The following ACSM5 variants were observed in gnomAD, a reference collection of about 807,000 sequenced individuals.
The protein encoded by ACSM5 is acyl-coenzyme A synthetase ACSM5, mitochondrial.
A neutral mutation model predicts 71.6 loss-of-function variants in ACSM5; 56 were observed. That is an observed-to-expected ratio of 0.78 (90% CI 0.63 to 0.98). ACSM5 has a LOEUF of 0.98. Ranked by LOEUF, ACSM5 falls within the 50% of genes least tolerant of loss-of-function variation. The probability of loss-of-function intolerance (pLI) is 0.00; values close to 1 mark genes in which losing one functional copy is unlikely to be tolerated. For missense variants in ACSM5, 723 were observed against 726.0 expected, an observed-to-expected ratio of 1.00 and a Z score of 0.05; for synonymous variants, 285 against 281.5, an observed-to-expected ratio of 1.01 and a Z score of -0.12.
Position 20,440,546 on chromosome 16 carries a change from G to A in ACSM5, c.*119G>A, listed in dbSNP as rs1429343563. 2 of 874,606 alleles carry A rather than the reference G, an allele frequency of 2.3e-6. No homozygotes were observed. 54.2% of individuals were successfully genotyped at this position (874,606 alleles called of 1,614,324 possible). A position where few individuals can be genotyped will look rare whatever the true frequency, so the allele number is the denominator to read the frequency against. ...ACCCTAAAGATGTCAAAGGTGTGCAGCTTCCAAACGGCATCCCCAGGATCA... is the reference window on the plus strand; with the variant it reads ...ACCCTAAAGATGTCAAAGGTGTGCAACTTCCAAACGGCATCCCCAGGATCA... On this transcript the variant is annotated 3_prime_UTR_variant, in exon 14 of 14. Coordinates refer to ENST00000331849, the MANE Select transcript of ACSM5 (RefSeq NM_017888.3).
chr16:20,411,197 T>G (rs1966846994), intron 1 of ACSM5, among the ~76,000 whole-genome samples: 1 of 152,188 alleles, frequency 6.6e-6, no homozygotes, highest in African/African-American at 2.4e-5. Context: ...GGATTCCTTT[T>G]GAAGTATTGA....
intron 10 of ACSM5, among the ~76,000 whole-genome samples, chr16:20,436,116 CTT>C (rs1425943386): frequency 1.5e-5 from 1 of 64,652 alleles, no homozygotes; most frequent in African/African-American, 8.5e-5. Context: ...TTCTTTTTCT[CTT>C]TCTTTCCTTC....
intron 13 of ACSM5, 146 bp downstream of exon 13, chr16:20,440,065 G>A: frequency 1.8e-6 from 2 of 1,142,474 alleles, no homozygotes; most frequent in Non-Finnish European, 2.5e-6. Flanking sequence ...GCTTTTTTCT[G>A]TATTTCTTCA....
At chr16:20,417,913 C>A in intron 2 of ACSM5, 146 bp from the exon 3 acceptor site, 1 of 785,394 alleles carries the variant, frequency 1.3e-6, no homozygotes, top group Non-Finnish European at 2.0e-6. Context: ...GGGAGCAAGC[C>A]TTTTCAATGC....
At chr16:20,410,118 T>C (rs1002311401) in intron 1 of ACSM5, among the ~76,000 whole-genome samples, 3 of 152,208 alleles carry the variant, frequency 2.0e-5, no homozygotes, top group African/African-American at 7.2e-5. Context: ...AAAGATTTCA[T>C]GAAATAATGC....
intron 4 of ACSM5, 151 bp from the exon 5 acceptor site, chr16:20,421,107 G>T: frequency 1.1e-6 from 1 of 896,514 alleles, no homozygotes; most frequent in Non-Finnish European, 1.5e-6. Flanking sequence ...ACCCCATGAG[G>T]TGGTTGCAGA....
At chr16:20,410,521 G>A (rs541687994) in intron 1 of ACSM5, among the ~76,000 whole-genome samples, 1 of 152,286 alleles carries the variant, frequency 6.6e-6, no homozygotes, top group African/African-American at 2.4e-5. Context: ...CTTGAGGCCA[G>A]GGGTTCAAGC....
chr16:20,425,907 T>TC (rs1158520842), intron 6 of ACSM5, among the ~76,000 whole-genome samples: 1 of 152,196 alleles, frequency 6.6e-6, no homozygotes, highest in Non-Finnish European at 1.5e-5. Context: ...TGTGCAAGTA[T>TC]CTTTTTCATA....
intron 10 of ACSM5, among the ~76,000 whole-genome samples, chr16:20,432,534 T>C (rs1967119164): frequency 1.3e-5 from 2 of 152,326 alleles, no homozygotes; most frequent in East Asian, 1.9e-4. Context: ...GCTGAGATCA[T>C]GTTAACATTT....
At chr16:20,413,581 A>C (rs1292586664) in intron 2 of ACSM5, among the ~76,000 whole-genome samples, 1 of 152,228 alleles carries the variant, frequency 6.6e-6, no homozygotes, top group Non-Finnish European at 1.5e-5. Context: ...CAATAGATTC[A>C]CCAAAGAGTG....
chr16:20,421,198 A>G, intron 4 of ACSM5, 60 bp from the exon 5 acceptor site: 2 of 1,490,960 alleles, frequency 1.3e-6, no homozygotes, highest in Non-Finnish European at 1.8e-6. Context: ...TACACATATT[A>G]TTGGTGCTAC....
rs1419156933 is a variant in ACSM5, at chr16:20,429,767, T to C, written c.1091T>C (p.Val364Ala). 2 of 1,611,542 alleles carry C rather than the reference T, an allele frequency of 1.2e-6. No individual in the cohort carries two copies. The highest frequency in any genetic ancestry group is 1.7e-6 in the Non-Finnish European group (2 of 1,179,152). Reference protein sequence around the residue: ...VREKWKHQTGVELYEGYGQSE... With the variant: ...VREKWKHQTGAELYEGYGQSE... ...GAGAAGTGGAAACACCAGACTGGTGTGGAGCTGTACGAAGGCTATGGCCAG... is the reference window on the plus strand; with the variant it reads ...GAGAAGTGGAAACACCAGACTGGTGCGGAGCTGTACGAAGGCTATGGCCAG... Residue 364 changes from valine (V) to alanine (A), a missense_variant, in exon 8 of 14, where the codon GTG becomes GCG. Val to Ala is a moderately conservative substitution (Grantham distance 64). Transcript: ENST00000331849.
At chr16:20,421,650 T>C (rs1038326084) in intron 5 of ACSM5, among the ~76,000 whole-genome samples, 7 of 96,602 alleles carry the variant, frequency 7.2e-5, no homozygotes, top group African/African-American at 1.2e-4. Flanking sequence ...TATATATATA[T>C]ATATATACAC....
At chr16:20,430,110 A>G (rs945219075) in intron 8 of ACSM5, among the ~76,000 whole-genome samples, 1 of 152,062 alleles carries the variant, frequency 6.6e-6, no homozygotes, top group Non-Finnish European at 1.5e-5. Context: ...TACACTACTC[A>G]GCTTACAGAT....
In ACSM5 at chr16:20,439,798, A is replaced by C. The variant is rs779728049; in HGVS notation, c.1537-2A>C. 1 of 1,608,426 alleles carries C rather than the reference A, an allele frequency of 6.2e-7. No homozygotes were observed. Among genetic ancestry groups the C allele is most frequent in the African/African-American group, 1.3e-5 (1 of 74,800 alleles). ...TTTTCTGGGTATTTTGTTTTCCTGC[A>C]GGTGGTAAAGGCATTTATAGTCCTT... On this transcript the variant is annotated splice_acceptor_variant, in intron 12 of 13. Transcript: ENST00000331849. LOFTEE classifies it high-confidence loss of function.
chr16:20,427,561 G>A (rs35372684), intron 6 of ACSM5, among the ~76,000 whole-genome samples: 3,305 of 150,178 alleles, frequency 0.022, 73 homozygotes, highest in African/African-American at 0.062. Context: ...TTGGCAGTAT[G>A]CCATTGCTGT....
At chr16:20,432,331 A>G (rs1290736106) in intron 10 of ACSM5, among the ~76,000 whole-genome samples, 5 of 152,200 alleles carry the variant, frequency 3.3e-5, no homozygotes, top group Admixed American at 3.3e-4. Flanking sequence ...CTTAATAGAA[A>G]TGCCATCTCA....
At chr16:20,435,646 C>T (rs116938729) in intron 10 of ACSM5, among the ~76,000 whole-genome samples, 1,718 of 152,286 alleles carry the variant, frequency 0.011, 17 homozygotes, top group Non-Finnish European at 0.014. Context: ...GCGATTGATA[C>T]ATTGTTTGTC....
chr16:20,419,793 C>T lies in ACSM5; in HGVS notation c.623+358C>T, dbSNP rs532243780. The T allele has an allele frequency of 2.6e-5, 9 of 342,906 alleles. 1 individual carries two copies. Among genetic ancestry groups the T allele is most frequent in the South Asian group, 1.6e-4 (6 of 37,716 alleles). 21.2% of individuals were successfully genotyped at this position (342,906 alleles called of 1,614,324 possible). ...GCCATGTATTGGGTACTTAGTGTAT[C>T]GCTAGATACTGTGCTATGTAAGCCT... On this transcript the variant is annotated intron_variant, in intron 4 of 13. Coordinates refer to ENST00000331849, the MANE Select transcript of ACSM5 (RefSeq NM_017888.3).
Sources: allele counts gnomAD v4.1 joint callset (sites outside exome capture counted in the v4.1 genomes callset), GRCh38; gene constraint gnomAD v4.1.1; transcripts MANE v1.5; gene names NCBI Gene and HGNC (gene_info 2026-07-23, HGNC 2026-07-21).